Variants in WDR1 observed in about 807,000 individuals in gnomAD.
WDR1 encodes the protein WD repeat domain 1.
A neutral mutation model predicts 71.9 loss-of-function variants in WDR1; 21 were observed. The observed-to-expected ratio is 0.29, with a 90% CI of 0.21 to 0.42. The LOEUF (loss-of-function observed/expected upper bound fraction) is 0.42, where lower values mean the gene tolerates loss of function less well. Among genes scored for constraint, WDR1 ranks in the 10% least tolerant of loss-of-function variants. WDR1 has a pLI of 1.00. For missense variants in WDR1, 696 were observed against 824.5 expected (o/e 0.84, Z 1.91); for synonymous variants, 424 against 347.4 (o/e 1.22, Z -2.45).
At chr4:10,077,685 C>G in intron 13 of WDR1, 68 bp downstream of exon 13, 1 of 1,482,070 alleles carries the variant, frequency 6.7e-7, no homozygotes, top group South Asian at 1.4e-5. Flanking sequence ...CACCAAGTCA[C>G]AGATAACCTC....
chr4:10,116,788 C>T lies in WDR1; in HGVS notation c.-122G>A. ...AGCCGGAAGGCGGCACCGGGCGTGC[C>T]GGGAGTGGAGTGGGCGGTCCGAGGC... On this transcript the variant is annotated 5_prime_UTR_variant, in exon 1 of 15. Coordinates refer to ENST00000499869, the MANE Select transcript of WDR1 (RefSeq NM_017491.5). The T allele has an allele frequency of 8.5e-7, 1 of 1,175,340 alleles. No individual in the cohort carries two copies. Among genetic ancestry groups the T allele is most frequent in the Non-Finnish European group, 1.1e-6 (1 of 936,158 alleles). 72.8% of individuals were successfully genotyped at this position (1,175,340 alleles called of 1,614,324 possible). A position where few individuals can be genotyped will look rare whatever the true frequency, so the allele number is the denominator to read the frequency against.
At chr4:10,088,559 A>C (rs759305074) in intron 6 of WDR1, 105 bp downstream of exon 6, 5 of 1,182,402 alleles carry the variant, frequency 4.2e-6, no homozygotes, top group Non-Finnish European at 6.2e-6. Context: ...GGCGATGTCT[A>C]AGTTCTGCAT....
At chr4:10,108,690 T>C (rs566054396) in intron 2 of WDR1, among the ~76,000 whole-genome samples, 4 of 152,382 alleles carry the variant, frequency 2.6e-5, no homozygotes, top group Non-Finnish European at 5.9e-5. Context: ...AGGCCAAGGC[T>C]GAATGACAGC....
intron 5 of WDR1, chr4:10,094,836 G>A (rs980903252): frequency 6.6e-6 from 1 of 152,246 alleles, no homozygotes; most frequent in African/African-American, 2.4e-5. Context: ...CACAGGGAAT[G>A]CTGCTTGCAT....
At chr4:10,104,058 A>G in intron 2 of WDR1, 72 bp from the exon 3 acceptor site, 2 of 1,423,366 alleles carry the variant, frequency 1.4e-6, no homozygotes, top group Non-Finnish European at 1.9e-6. Flanking sequence ...CCACATCAAC[A>G]GATATGGGGT....
intron 5 of WDR1, among the ~76,000 whole-genome samples, chr4:10,089,459 G>A (rs546212374): frequency 7.2e-5 from 11 of 152,072 alleles, no homozygotes; most frequent in Non-Finnish European, 1.6e-4. Flanking sequence ...AAGAACAAGA[G>A]CCTGAGCGAC....
intron 5 of WDR1, chr4:10,091,945 T>A (rs1440684209): frequency 3.3e-5 from 5 of 152,046 alleles, no homozygotes; most frequent in Admixed American, 6.6e-5. Context: ...GGGCGGGGGG[T>A]GGACAGGGGT....
At chr4:10,086,817 G>A (rs1209501759) in intron 8 of WDR1, among the ~76,000 whole-genome samples, 12 of 152,186 alleles carry the variant, frequency 7.9e-5, no homozygotes, top group Non-Finnish European at 1.3e-4. Context: ...AGCAGGAGGG[G>A]TCACCCACCC....
chr4:10,113,818 CA>C (rs1302576334), intron 2 of WDR1, among the ~76,000 whole-genome samples: 1 of 152,210 alleles, frequency 6.6e-6, no homozygotes, highest in East Asian at 1.9e-4. Context: ...AACAGGAGTC[CA>C]AGGTTTGGGG....
In WDR1 at chr4:10,077,923, C is replaced by T. The variant is rs761257173; in HGVS notation, c.1399G>A (p.Gly467Ser). Reference protein sequence around the residue: ...GDTVAIGGVDGNVRLYSILGT... With the variant: ...GDTVAIGGVDSNVRLYSILGT... ...AGGATGGAATACAGGCGGACGTTGC[C>T]GTCCTACGGCAGGGACAGAGAGGAA... Residue 467 changes from glycine to serine, a missense_variant, in exon 13 of 15, where the codon GGC (glycine) becomes AGC (serine). Physicochemically the swap from Gly to Ser is moderately conservative, Grantham distance 56. Coordinates refer to ENST00000499869, the MANE Select transcript of WDR1 (RefSeq NM_017491.5). 3.8e-5 allele frequency: 61 copies of T among 1,602,520 alleles called. No homozygotes were observed. The highest frequency in any genetic ancestry group is 2.8e-4 in the South Asian group (25 of 89,714).
intron 2 of WDR1, 183 bp downstream of exon 2, chr4:10,115,930 A>G: frequency 1.4e-6 from 1 of 721,880 alleles, no homozygotes; most frequent in Non-Finnish European, 2.3e-6. Flanking sequence ...GGAGCAGACA[A>G]GGACCTGGGT....
At chr4:10,077,981 A>G in intron 12 of WDR1, 55 bp from the exon 13 acceptor site, 1 of 1,499,892 alleles carries the variant, frequency 6.7e-7, no homozygotes, top group Non-Finnish European at 8.9e-7. Context: ...CACCACACCC[A>G]TCCTTTGTGA....
intron 5 of WDR1, chr4:10,092,843 C>G (rs1328348473): frequency 2.7e-6 from 1 of 373,370 alleles, no homozygotes; most frequent in Non-Finnish European, 5.4e-6. Flanking sequence ...CACCGGCCCC[C>G]TGCCTCTGCC....
intron 2 of WDR1, among the ~76,000 whole-genome samples, chr4:10,105,550 A>C (rs1161172159): frequency 6.6e-6 from 1 of 152,250 alleles, no homozygotes; most frequent in Non-Finnish European, 1.5e-5. Flanking sequence ...TGGGAAATGC[A>C]AGTCAAAACT....
chr4:10,097,945 A>G (rs924399406), intron 4 of WDR1, 54 bp from the exon 5 acceptor site: 5 of 1,457,892 alleles, frequency 3.4e-6, no homozygotes, highest in African/African-American at 2.9e-5. Context: ...AATCAATCCC[A>G]GAAGGCTGGT....
At chr4:10,089,128 C>T (rs970901070) in intron 5 of WDR1, among the ~76,000 whole-genome samples, 1 of 152,224 alleles carries the variant, frequency 6.6e-6, no homozygotes, top group Non-Finnish European at 1.5e-5. Flanking sequence ...CTGGAGGCAC[C>T]AGCCCTGTCT....
At chr4:10,116,533 G>T in intron 1 of WDR1, 118 bp downstream of exon 1, 3 of 822,284 alleles carry the variant, frequency 3.6e-6, no homozygotes, top group Non-Finnish European at 4.5e-6. Flanking sequence ...TCCGGCCGGC[G>T]CCCGCACCCC....
intron 10 of WDR1, 67 bp from the exon 11 acceptor site, chr4:10,081,511 T>C (rs1415712984): frequency 6.8e-7 from 1 of 1,471,960 alleles, no homozygotes; most frequent in Non-Finnish European, 9.5e-7. Flanking sequence ...TGCATACATA[T>C]TTACTGTTAA....
chr4:10,105,910 C>T (rs1712984068), intron 2 of WDR1, among the ~76,000 whole-genome samples: 2 of 152,228 alleles, frequency 1.3e-5, no homozygotes, highest in Non-Finnish European at 2.9e-5. Context: ...AGGCAACACA[C>T]CGCACTGCTT....
Sources: gnomAD v4.1 joint callset for allele counts (sites outside exome capture counted in the v4.1 genomes callset) on GRCh38, gnomAD v4.1.1 for gene constraint, MANE v1.5 for transcripts, NCBI Gene and HGNC (gene_info 2026-07-23, HGNC 2026-07-21) for gene names.